MCCC1: variants seen among roughly 807,000 people sequenced by gnomAD.
MCCC1 encodes the protein methylcrotonoyl-CoA carboxylase subunit alpha, mitochondrial.
In MCCC1, 64 loss-of-function variants were observed where a neutral mutation model predicts 83.8. That is an observed-to-expected ratio of 0.76 (90% CI 0.62 to 0.94). MCCC1 has a LOEUF of 0.94. Ranked by LOEUF, MCCC1 falls within the 40% of genes least tolerant of loss-of-function variation. The pLI, the probability that MCCC1 is intolerant of heterozygous loss-of-function variation, is 0.00. For missense variants in MCCC1, 807 were observed against 904.7 expected, an observed-to-expected ratio of 0.89 and a Z score of 1.39; for synonymous variants, 322 against 315.4, an observed-to-expected ratio of 1.02 and a Z score of -0.22.
At chr3:183,022,575 G>A (rs764774009) in intron 15 of MCCC1, 21 bp from the exon 16 acceptor site, 3 of 1,579,988 alleles carry the variant, frequency 1.9e-6, no homozygotes, top group East Asian at 4.5e-5. Context: ...TGAAAAATAA[G>A]ATTTTTAAAA....
intron 14 of MCCC1, among the ~76,000 whole-genome samples, chr3:183,026,230 T>G (rs1712588140): frequency 6.6e-6 from 1 of 152,038 alleles, no homozygotes; most frequent in Non-Finnish European, 1.5e-5. Flanking sequence ...TTTGTAGAGA[T>G]GAGGTTTCAC....
intron 8 of MCCC1, among the ~76,000 whole-genome samples, chr3:183,055,248 GA>G (rs138574888): frequency 0.63 from 90,134 of 142,440 alleles, 31,155 homozygotes; most frequent in Non-Finnish European, 0.79. Flanking sequence ...CTAAAAAATA[GA>G]AAAAAAAAAA....
chr3:183,093,202 CTAATCTT>C (rs1180544587), intron 2 of MCCC1, among the ~76,000 whole-genome samples: 3 of 152,298 alleles, frequency 2.0e-5, no homozygotes, highest in African/African-American at 4.8e-5. Flanking sequence ...CCAATACTAA[CTAATCTT>C]TAATAAGCAC....
intron 4 of MCCC1, 117 bp downstream of exon 4, chr3:183,086,576 A>C: frequency 4.5e-6 from 4 of 880,332 alleles, no homozygotes; most frequent in Non-Finnish European, 7.4e-6. Context: ...TGATAATCCA[A>C]TAATCAAATG....
intron 9 of MCCC1, among the ~76,000 whole-genome samples, chr3:183,048,157 A>G (rs1337789405): frequency 6.6e-6 from 1 of 152,234 alleles, no homozygotes; most frequent in Non-Finnish European, 1.5e-5. Flanking sequence ...AAAGGAGAGG[A>G]AATTGGATCA....
rs1716652711 is a variant in MCCC1, at chr3:183,071,196, A to G, written c.639+14T>C. 1.2e-6 allele frequency: 2 copies of G among 1,614,250 alleles called. No homozygotes were observed. Among genetic ancestry groups the G allele is most frequent in the Non-Finnish European group, 1.7e-6 (2 of 1,180,040 alleles). On this transcript the variant is annotated intron_variant, in intron 6 of 18. Transcript: ENST00000265594. ...CAAGCCTGAATTGGCAAACACAAGC[A>G]TGCACAATCTTACTTTTCCTCCTCC...
At chr3:183,039,715 A>G (rs1158496610) in intron 11 of MCCC1, among the ~76,000 whole-genome samples, 1 of 152,164 alleles carries the variant, frequency 6.6e-6, no homozygotes, top group Non-Finnish European at 1.5e-5. Context: ...AGTAGAAAGG[A>G]TGTGGTGTGT....
chr3:183,078,804 A>G (rs1717271995), intron 4 of MCCC1, among the ~76,000 whole-genome samples: 1 of 152,218 alleles, frequency 6.6e-6, no homozygotes, highest in Non-Finnish European at 1.5e-5. Context: ...AGACTGGGCA[A>G]TTTACAAAAG....
chr3:183,112,392 C>A (rs1036472637), intron 1 of MCCC1, among the ~76,000 whole-genome samples: 1 of 152,186 alleles, frequency 6.6e-6, no homozygotes, highest in Non-Finnish European at 1.5e-5. Flanking sequence ...CTACCATTTT[C>A]AGCAAGTGTC....
At chr3:183,015,644 G>T (rs140707055) in intron 18 of MCCC1, 78 bp from the exon 19 acceptor site, 4 of 1,564,036 alleles carry the variant, frequency 2.6e-6, no homozygotes, top group Non-Finnish European at 3.5e-6. Context: ...AAGAAAGGGA[G>T]ACCAAAAATG....
intron 5 of MCCC1, 41 bp downstream of exon 5, chr3:183,072,325 G>T: frequency 1.9e-6 from 3 of 1,609,950 alleles, no homozygotes; most frequent in South Asian, 1.1e-5. Flanking sequence ...TATTTCAACT[G>T]ACCTTCATAC....
intron 2 of MCCC1, 37 bp downstream of exon 2, chr3:183,094,522 A>T: frequency 6.2e-7 from 1 of 1,609,146 alleles, no homozygotes; most frequent in Non-Finnish European, 8.5e-7. Context: ...TTCCAGTCTG[A>T]AGCAAAATCA....
At chr3:183,104,260 G>A (rs957749061), upstream of MCCC1, among the ~76,000 whole-genome samples, 26 of 152,302 alleles carry the variant, frequency 1.7e-4, no homozygotes, top group Admixed American at 1.6e-3. Context: ...CAGAAGAGGC[G>A]CCGAGAGCGA....
chr3:183,044,016 G>A, intron 10 of MCCC1, among the ~76,000 whole-genome samples: 1 of 152,162 alleles, frequency 6.6e-6, no homozygotes, highest in Non-Finnish European at 1.5e-5. Context: ...CTAGGATATA[G>A]AGCCCTAGAA....
At chr3:183,027,733 A>G (rs1389511774) in intron 14 of MCCC1, among the ~76,000 whole-genome samples, 1 of 152,240 alleles carries the variant, frequency 6.6e-6, no homozygotes, top group African/African-American at 2.4e-5. Context: ...ATAGAAGATC[A>G]AACCAGCCAC....
rs56195128 is a variant in MCCC1, at chr3:183,018,053, T to C, written c.1978-716A>G. Among the ~76,000 whole-genome samples the C allele has an allele frequency of 2.0e-5, 3 of 152,088 alleles. No homozygotes were observed. The East Asian group carries it at 5.8e-4, about 29-fold the overall frequency. ...TCAGAGGCCTACAGCCCAAATGCAC[T>C]GGTCAAATCAGAGGCCTACAGCCCA... On this transcript the variant is annotated intron_variant, in intron 17 of 18. Transcript: ENST00000265594.
At chr3:183,074,446 G>A (rs1357374068) in intron 4 of MCCC1, among the ~76,000 whole-genome samples, 8 of 152,088 alleles carry the variant, frequency 5.3e-5, no homozygotes, top group Admixed American at 5.2e-4. Flanking sequence ...AGCCCTGAGG[G>A]GATTTGTTCT....
intron 4 of MCCC1, among the ~76,000 whole-genome samples, chr3:183,083,478 G>A (rs1274990874): frequency 6.6e-6 from 1 of 151,928 alleles, no homozygotes; most frequent in Non-Finnish European, 1.5e-5. Context: ...CAATATCCAG[G>A]CAAAATGATT....
Position 183,022,557 on chromosome 3 carries a change from GAAAAAAATGAAAAATAAGATTTTTA to G in MCCC1, c.1732-28_1732-4del. 6.2e-7 allele frequency: 1 copy of G among 1,602,116 alleles called. No individual in the cohort carries two copies. The highest frequency in any genetic ancestry group is 8.5e-7 in the Non-Finnish European group (1 of 1,171,358). ...ACTTGGAAAGTTTTATCTTCAATCT[GAAAAAAATGAAAAATAAGATTTTTA>G]AAATAAATGAACAACACTACAGAAT... On this transcript the variant is annotated splice_region_variant and splice_polypyrimidine_tract_variant and intron_variant, in intron 15 of 18. Coordinates refer to ENST00000265594, the MANE Select transcript of MCCC1 (RefSeq NM_020166.5).
Sources: gnomAD v4.1 joint callset for allele counts (sites outside exome capture counted in the v4.1 genomes callset) on GRCh38, gnomAD v4.1.1 for gene constraint, MANE v1.5 for transcripts, NCBI Gene and HGNC (gene_info 2026-07-23, HGNC 2026-07-21) for gene names.